ZP4: variants seen among roughly 807,000 people sequenced by gnomAD.
ZP4 encodes the protein zona pellucida glycoprotein 4.
Under a neutral mutation model 62.3 loss-of-function variants are expected in ZP4, and 62 were observed. The observed-to-expected ratio is 0.99, with a 90% CI of 0.81 to 1.23. The LOEUF (loss-of-function observed/expected upper bound fraction) is 1.23. Ranked by LOEUF, ZP4 falls within the 50% of genes most tolerant of loss-of-function variation. ZP4 has a pLI of 0.00. For missense variants in ZP4, 774 were observed against 656.0 expected (o/e 1.18, Z -1.97); for synonymous variants, 289 against 247.3 (o/e 1.17, Z -1.58).
Position 237,889,931 on chromosome 1 carries a change from T to A in ZP4, c.336A>T (p.Ala112=). ...HYIMPVGVEG[A]GAAEHKVVTE... ...TAACCACCTTGTGTTCAGCCGCGCC[T>A]GCTCCTTCAACTCCAACTGGCATGA... The change falls in exon 3 of 12, where the codon GCA becomes GCT. Residue 112 remains alanine (A), a synonymous_variant. Transcript: ENST00000366570. 6.2e-7 allele frequency: 1 copy of A among 1,611,636 alleles called. No individual in the cohort carries two copies. Among genetic ancestry groups the A allele is most frequent in the Non-Finnish European group, 8.5e-7 (1 of 1,178,686 alleles).
At position 237,884,015 on chromosome 1, in the gene ZP4, CAAACACACACACACACAAACACACACAA is replaced by C. The variant is rs1558531041; in HGVS notation, c.1390+726_1390+753del. ...ACACACACACACACACACACACACA[CAAACACACACACACACAAACACACACAA>C]ACACACACAAACACACACAAACACA... On this transcript the variant is annotated intron_variant, in intron 10 of 11. Transcript: ENST00000366570. 9.5e-4 allele frequency among the ~76,000 whole-genome samples: 80 copies of C among 84,210 alleles called. 2 individuals carry two copies. Among genetic ancestry groups the C allele is most frequent in the African/African-American group, 3.4e-3 (66 of 19,178 alleles). The allele number at this position is 84,210 out of a possible 152,430, so 55.2% of individuals were successfully genotyped here. A position where few individuals can be genotyped will look rare whatever the true frequency, so the allele number is the denominator to read the frequency against.
chr1:237,883,743 GA>G (rs1664988349), intron 10 of ZP4, among the ~76,000 whole-genome samples: 1 of 56,526 alleles, frequency 1.8e-5, no homozygotes, highest in African/African-American at 8.4e-5. Flanking sequence ...GAGAGAGAGG[GA>G]GAGAGAGGGA....
At position 237,887,394 on chromosome 1, in the gene ZP4, A is replaced by C. The variant is rs1571934011; in HGVS notation, c.721T>G (p.Ser241Ala). ...CTCACCTGTCTTGTGGTGCCACAGGAAGTAAATGGAAACTGGAACAGAACA... is the reference window on the plus strand; with the variant it reads ...CTCACCTGTCTTGTGGTGCCACAGGCAGTAAATGGAAACTGGAACAGAACA... ...AFVLFQFPFT[S>A]CGTTRQITGD... Residue 241 changes from serine to alanine, a missense_variant, in exon 5 of 12, where the codon TCC becomes GCC. By Grantham distance (99) the Ser-to-Ala change is moderately conservative (BLOSUM62 1). Coordinates refer to ENST00000366570, the MANE Select transcript of ZP4 (RefSeq NM_021186.5). 1 of 1,614,008 alleles carries C rather than the reference A, an allele frequency of 6.2e-7. No homozygotes were observed. Among genetic ancestry groups the C allele is most frequent in the South Asian group, 1.1e-5 (1 of 91,066 alleles).
chr1:237,885,933 T>A (rs555121825), intron 6 of ZP4, 47 bp from the exon 7 acceptor site: 2 of 1,610,210 alleles, frequency 1.2e-6, no homozygotes, highest in African/African-American at 2.7e-5. Context: ...GAAGTGGGTG[T>A]CAGTTACACA....
intron 5 of ZP4, 78 bp from the exon 6 acceptor site, chr1:237,886,946 A>C: frequency 8.1e-7 from 1 of 1,235,266 alleles, no homozygotes; most frequent in South Asian, 1.2e-5. Flanking sequence ...CTAAGCCCTC[A>C]GCAATGCTAC....
rs945599544 is a variant in ZP4, at chr1:237,890,814, G to C, written c.-179C>G. On this transcript the variant is annotated 5_prime_UTR_variant, in exon 1 of 12. Transcript: ENST00000366570. Reference sequence around the variant, plus strand: ...GAATTCCTCTAGCCTCATTTGCTTTGGGGCACAGTCTGCAGCTGCCTCACA... The same window carrying C: ...GAATTCCTCTAGCCTCATTTGCTTTCGGGCACAGTCTGCAGCTGCCTCACA... 8.2e-6 allele frequency: 5 copies of C among 612,802 alleles called. No individual in the cohort carries two copies. The highest frequency in any genetic ancestry group is 1.4e-5 in the Non-Finnish European group (5 of 367,964). The allele number at this position is 612,802 out of a possible 1,614,324, so 38.0% of individuals were successfully genotyped here.
intron 7 of ZP4, 83 bp downstream of exon 7, chr1:237,885,673 T>C: frequency 6.3e-7 from 1 of 1,593,410 alleles, no homozygotes; most frequent in South Asian, 1.1e-5. Flanking sequence ...CCCTTAAGTG[T>C]CTTGTTACTA....
rs147122405 is a variant in ZP4 at position 237,885,311 on chromosome 1, G to A, written c.1165C>T (p.Pro389Ser). Residue 389 changes from proline (P) to serine (S), a missense_variant, in exon 9 of 12, where the codon CCC (proline) becomes TCC (serine). Physicochemically the swap from Pro to Ser is moderately conservative, Grantham distance 74. Coordinates refer to ENST00000366570, the MANE Select transcript of ZP4 (RefSeq NM_021186.5). ...GTCTGATAGTTGTCTCCAATGTAGGGGCAGCTAGACCAAGAGACCCAGCAG... is the reference window on the plus strand; with the variant it reads ...GTCTGATAGTTGTCTCCAATGTAGGAGCAGCTAGACCAAGAGACCCAGCAG... ...PQWPILVKGC[P>S]YIGDNYQTQL... 1.2e-6 allele frequency: 2 copies of A among 1,613,924 alleles called. No homozygotes were observed. Among genetic ancestry groups the A allele is most frequent in the Non-Finnish European group, 1.7e-6 (2 of 1,179,930 alleles).
In ZP4 at chr1:237,890,804, C is replaced by T. The variant is rs1665225793; in HGVS notation, c.-169G>A. The stretch of plus-strand genomic sequence containing the variant: ...TCAGAAAGGGGAATTCCTCTAGCCT[C>T]ATTTGCTTTGGGGCACAGTCTGCAG... On this transcript the variant is annotated 5_prime_UTR_variant, in exon 1 of 12. The change abolishes an upstream ATG in the 5' untranslated region. Coordinates refer to ENST00000366570, the MANE Select transcript of ZP4 (RefSeq NM_021186.5). 1 of 680,102 alleles carries T rather than the reference C, an allele frequency of 1.5e-6. No homozygotes were observed. Among genetic ancestry groups the T allele is most frequent in the Non-Finnish European group, 2.4e-6 (1 of 423,628 alleles). 42.1% of individuals were successfully genotyped at this position (680,102 alleles called of 1,614,324 possible).
At chr1:237,884,218 G>A (rs1215533724) in intron 10 of ZP4, among the ~76,000 whole-genome samples, 2 of 152,100 alleles carry the variant, frequency 1.3e-5, no homozygotes, top group Non-Finnish European at 1.5e-5. Context: ...GTTGTACTTT[G>A]CATAATAAAG....
At chr1:237,883,736 A>C (rs1278057305) in intron 10 of ZP4, among the ~76,000 whole-genome samples, 1 of 49,518 alleles carries the variant, frequency 2.0e-5, no homozygotes, top group African/African-American at 6.3e-5. Flanking sequence ...GGGGAGGGAG[A>C]GAGAGGGAGA....
intron 1 of ZP4, 67 bp from the exon 2 acceptor site, chr1:237,890,243 C>A: frequency 6.2e-7 from 1 of 1,608,768 alleles, no homozygotes. Context: ...GGATAGTCAG[C>A]CTTGCCATTA....
chr1:237,884,269 A>G (rs1317958368), intron 10 of ZP4, among the ~76,000 whole-genome samples: 1 of 152,210 alleles, frequency 6.6e-6, no homozygotes. Flanking sequence ...AGGCACTTAA[A>G]GCTTTAGAGG....
intron 6 of ZP4, 100 bp downstream of exon 6, chr1:237,886,671 T>C: frequency 1.0e-6 from 1 of 963,300 alleles, no homozygotes; most frequent in Non-Finnish European, 1.6e-6. Context: ...AGCAGACAGG[T>C]TTTCTCCTAT....
At chr1:237,885,357 A>G (rs1334871036) in intron 8 of ZP4, 34 bp downstream of exon 8, 2 of 1,611,534 alleles carry the variant, frequency 1.2e-6, no homozygotes, top group Non-Finnish European at 1.7e-6. Flanking sequence ...CTTCTTTGAG[A>G]ATTTCAGCAC....
chr1:237,889,803 C>A, intron 3 of ZP4, 64 bp downstream of exon 3: 1 of 1,448,372 alleles, frequency 6.9e-7, no homozygotes. Context: ...CAGAGAGGAC[C>A]AAGAGTACTT....
intron 6 of ZP4, 125 bp downstream of exon 6, chr1:237,886,646 T>C: frequency 1.4e-6 from 1 of 729,052 alleles, no homozygotes; most frequent in South Asian, 1.8e-5. Flanking sequence ...GGCAGTGCAA[T>C]TGGTGAACCA....
chr1:237,890,719 T>C lies in ZP4; in HGVS notation c.-84A>G. 2.0e-6 allele frequency: 3 copies of C among 1,464,442 alleles called. No homozygotes were observed. Among genetic ancestry groups the C allele is most frequent in the Non-Finnish European group, 2.7e-6 (3 of 1,091,678 alleles). The allele number at this position is 1,464,442 out of a possible 1,614,324, so 90.7% of individuals were successfully genotyped here. ...GGGTCTGCCTGCCCAGATTCCTTTA[T>C]ATACAGAAGTCAGGCTTGTTTTCAG... On this transcript the variant is annotated 5_prime_UTR_variant, in exon 1 of 12. In the 5' UTR this introduces an upstream ATG that the reference lacks. Transcript: ENST00000366570.
chr1:237,884,898 C>T (rs773079353), intron 9 of ZP4, 51 bp from the exon 10 acceptor site: 3 of 1,574,750 alleles, frequency 1.9e-6, no homozygotes, highest in East Asian at 4.5e-5. Context: ...TGCCATGTAT[C>T]TCTAAACCTG....
Sources: allele counts gnomAD v4.1 joint callset (sites outside exome capture counted in the v4.1 genomes callset), GRCh38; gene constraint gnomAD v4.1.1; transcripts MANE v1.5; gene names NCBI Gene and HGNC (gene_info 2026-07-23, HGNC 2026-07-21).